GCSAML: variants seen among roughly 807,000 people sequenced by gnomAD.
The protein encoded by GCSAML is germinal center-associated signaling and motility-like protein.
A neutral mutation model predicts 13.0 loss-of-function variants in GCSAML; 9 were observed. The observed-to-expected ratio is 0.69, with a 90% CI of 0.42 to 1.21. The LOEUF is 1.21. GCSAML is among the 50% of genes most tolerant of loss of function. The probability of loss-of-function intolerance (pLI) is 0.00; values close to 1 mark genes in which losing one functional copy is unlikely to be tolerated. For synonymous variants in GCSAML, 37 were observed against 52.9 expected (o/e 0.70, Z 1.31); for missense variants, 143 against 153.4 (o/e 0.93, Z 0.36).
chr1:247,558,781 A>G (rs1658123180), intron 2 of GCSAML, among the ~76,000 whole-genome samples: 1 of 152,196 alleles, frequency 6.6e-6, no homozygotes, highest in Non-Finnish European at 1.5e-5. Flanking sequence ...CCTATGTGTA[A>G]TTGAAGGAAA....
At chr1:247,572,446 T>C (rs1014937098) in intron 4 of GCSAML, among the ~76,000 whole-genome samples, 1 of 152,240 alleles carries the variant, frequency 6.6e-6, no homozygotes, top group Non-Finnish European at 1.5e-5. Flanking sequence ...GTTTTCCTTC[T>C]AACAACCAGG....
Position 247,531,667 on chromosome 1 carries a change from A to G in GCSAML, c.-148+4613A>G, listed in dbSNP as rs753877152. 53 of 1,614,176 alleles carry G rather than the reference A, an allele frequency of 3.3e-5. No individual in the cohort carries two copies. The highest frequency in any genetic ancestry group is 4.3e-5 in the Non-Finnish European group (51 of 1,180,022). On this transcript the variant is annotated intron_variant, in intron 2 of 5. Coordinates refer to the GCSAML transcript ENST00000366489. ...AATAAGTGGGTTCAGCGCAGGAGTG[A>G]CTACGGTGTAGAACAGAGCTATGAA...
intron 2 of GCSAML, among the ~76,000 whole-genome samples, chr1:247,539,906 G>A (rs1667351625): frequency 6.6e-6 from 1 of 152,082 alleles, no homozygotes; most frequent in African/African-American, 2.4e-5. Flanking sequence ...TCTACTGTCT[G>A]CGCCTTCCCC....
intron 4 of GCSAML, among the ~76,000 whole-genome samples, chr1:247,569,629 C>T (rs189670208): frequency 5.7e-4 from 87 of 152,128 alleles, no homozygotes; most frequent in African/African-American, 2.0e-3. Context: ...TGAGGATGTT[C>T]GCATTGATGT....
At chr1:247,534,959 G>A (rs866735522) in intron 2 of GCSAML, among the ~76,000 whole-genome samples, 49 of 152,224 alleles carry the variant, frequency 3.2e-4, no homozygotes, top group Middle Eastern at 3.4e-3. Flanking sequence ...TAGTAGGCCA[G>A]GGAAGCATTA....
At chr1:247,535,907 A>G (rs1361998543) in intron 2 of GCSAML, among the ~76,000 whole-genome samples, 1 of 152,238 alleles carries the variant, frequency 6.6e-6, no homozygotes, top group East Asian at 1.9e-4. Context: ...TGCCATTAAG[A>G]CAAAGATAGC....
chr1:247,532,032 G>A (rs746014785), intron 2 of GCSAML: 10 of 1,614,090 alleles, frequency 6.2e-6, no homozygotes, highest in Non-Finnish European at 8.5e-6. Flanking sequence ...TGAGCGTGGA[G>A]CCCACCATGC....
At position 247,507,712 on chromosome 1, in the gene GCSAML, C is replaced by T. The variant is rs572188573; in HGVS notation, c.-263+479C>T. ...GAAGGTCCCTGGTGTGTGATGTTCC[C>T]CTCCTTGTGTCCATGTGTTCTCAAC... On this transcript the variant is annotated intron_variant, in intron 1 of 5. Transcript: ENST00000366489. Among the ~76,000 whole-genome samples, 4 of 151,554 alleles carry T rather than the reference C, an allele frequency of 2.6e-5. No individual in the cohort carries two copies. In the East Asian group the frequency reaches 5.8e-4, roughly 22 times the overall value.
At chr1:247,555,024 T>C (rs1667904119) in intron 1 of GCSAML, among the ~76,000 whole-genome samples, 1 of 152,178 alleles carries the variant, frequency 6.6e-6, no homozygotes, top group South Asian at 2.1e-4. Context: ...TATGGCCTGA[T>C]ATTATCTGAA....
intron 1 of GCSAML, among the ~76,000 whole-genome samples, chr1:247,521,439 T>C (rs987607831): frequency 1.3e-5 from 2 of 151,690 alleles, no homozygotes; most frequent in Non-Finnish European, 2.9e-5. Flanking sequence ...GAGCGGAAGC[T>C]GGACTGTACT....
intron 2 of GCSAML, among the ~76,000 whole-genome samples, chr1:247,562,222 G>T (rs1668156289): frequency 6.6e-6 from 1 of 152,120 alleles, no homozygotes; most frequent in Non-Finnish European, 1.5e-5. Flanking sequence ...CTGAGAATAT[G>T]GAGCCATGAG....
rs1667784209 is a variant in GCSAML at position 247,551,714 on chromosome 1, A to T, written c.29+2494A>T. Among the ~76,000 whole-genome samples, 3 of 152,372 alleles carry T rather than the reference A, an allele frequency of 2.0e-5. No individual in the cohort carries two copies. In the South Asian group the frequency reaches 6.2e-4, roughly 32 times the overall value. On this transcript the variant is annotated intron_variant, in intron 1 of 4. Coordinates refer to ENST00000366488, the MANE Select transcript of GCSAML (RefSeq NM_145278.5). ...TGATCATCGTTTTATGTGACACAGGAACCTCAGAATGAAGACCCAAAGATG... is the reference window on the plus strand; with the variant it reads ...TGATCATCGTTTTATGTGACACAGGTACCTCAGAATGAAGACCCAAAGATG...
intron 2 of GCSAML, among the ~76,000 whole-genome samples, chr1:247,557,376 G>A (rs1354160005): frequency 6.6e-6 from 1 of 152,178 alleles, no homozygotes; most frequent in Non-Finnish European, 1.5e-5. Context: ...AAATGGAGTG[G>A]AAAAATGGTA....
upstream of GCSAML, among the ~76,000 whole-genome samples, chr1:247,544,680 C>T (rs1266459218): frequency 1.3e-5 from 2 of 151,926 alleles, no homozygotes; most frequent in Non-Finnish European, 2.9e-5. Flanking sequence ...AAAACGCTGT[C>T]TCTACCAAAA....
chr1:247,518,925 G>C (rs1269093392), intron 1 of GCSAML, among the ~76,000 whole-genome samples: 1 of 152,002 alleles, frequency 6.6e-6, no homozygotes. Flanking sequence ...GGAGTTTGAG[G>C]CTTCAGTGAG....
chr1:247,535,348 G>C (rs960647534), intron 2 of GCSAML, among the ~76,000 whole-genome samples: 3 of 152,132 alleles, frequency 2.0e-5, no homozygotes, highest in African/African-American at 7.2e-5. Context: ...CAGGGAGGTA[G>C]AGTTGAGACC....
chr1:247,556,888 AG>A (rs567482394), intron 2 of GCSAML, among the ~76,000 whole-genome samples: 150 of 152,188 alleles, frequency 9.9e-4, no homozygotes, highest in Non-Finnish European at 1.9e-3. Context: ...ACTCTTCACC[AG>A]GGCCTACAGT....
At chr1:247,515,885 A>C (rs1320164456) in intron 1 of GCSAML, among the ~76,000 whole-genome samples, 1 of 152,220 alleles carries the variant, frequency 6.6e-6, no homozygotes, top group Admixed American at 6.5e-5. Context: ...CAGTAAACCC[A>C]GCAGTGATCA....
intron 3 of GCSAML, among the ~76,000 whole-genome samples, chr1:247,564,002 G>A (rs1342590941): frequency 4.0e-5 from 6 of 151,490 alleles, no homozygotes; most frequent in Admixed American, 1.3e-4. Flanking sequence ...TCACAATCTC[G>A]GCTCACTGTA....
Sources: allele counts gnomAD v4.1 joint callset (sites outside exome capture counted in the v4.1 genomes callset), GRCh38; gene constraint gnomAD v4.1.1; transcripts MANE v1.5; gene names NCBI Gene and HGNC (gene_info 2026-07-23, HGNC 2026-07-21).